The following KLF12 variants were observed in gnomAD, a reference collection of about 807,000 sequenced individuals.
KLF12 encodes the protein Krueppel-like factor 12.
Under a neutral mutation model 37.8 loss-of-function variants are expected in KLF12, and 9 were observed. The ratio of observed to expected loss-of-function variants is 0.24; its 90% CI spans 0.14 to 0.42. The LOEUF is 0.42. KLF12 is among the 10% of genes least tolerant of loss of function. KLF12 has a pLI of 1.00. For synonymous variants in KLF12, 208 were observed against 202.1 expected (o/e 1.03, Z -0.25); for missense variants, 411 against 516.0 (o/e 0.80, Z 1.97).
chr13:73,898,400 G>A (rs1484843778), intron 3 of KLF12, among the ~76,000 whole-genome samples: 2 of 152,092 alleles, frequency 1.3e-5, no homozygotes, highest in Admixed American at 1.3e-4. Flanking sequence ...TATTAAATTT[G>A]CCCACTAATC....
intron 1 of KLF12, among the ~76,000 whole-genome samples, chr13:73,996,336 C>A (rs546044311): frequency 9.2e-5 from 14 of 152,292 alleles, no homozygotes; most frequent in African/African-American, 3.4e-4. Context: ...AACATGGTAT[C>A]CTTTGAAATA....
intron 1 of KLF12, among the ~76,000 whole-genome samples, chr13:74,050,741 A>C (rs1659745805): frequency 1.3e-5 from 2 of 152,226 alleles, no homozygotes; most frequent in African/African-American, 2.4e-5. Context: ...CAACCTAAAA[A>C]GCTACACCAC....
the KLF12 span, among the ~76,000 whole-genome samples, chr13:74,223,811 A>C: frequency 6.6e-6 from 1 of 152,122 alleles, no homozygotes; most frequent in African/African-American, 2.4e-5. Context: ...GTGTGTGACT[A>C]TCTGGGTGGC....
At chr13:74,123,592 C>T (rs997943627) in intron 1 of KLF12, among the ~76,000 whole-genome samples, 11 of 152,204 alleles carry the variant, frequency 7.2e-5, no homozygotes, top group Non-Finnish European at 1.6e-4. Context: ...TCTCTAACTG[C>T]ACACTCTCTA....
At chr13:73,727,827 A>G (rs1286000796) in intron 6 of KLF12, among the ~76,000 whole-genome samples, 1 of 151,728 alleles carries the variant, frequency 6.6e-6, no homozygotes, top group African/African-American at 2.4e-5. Flanking sequence ...TCTCCTGAGT[A>G]CCTGGGATTA....
At chr13:73,731,322 T>A (rs1312184782) in intron 6 of KLF12, among the ~76,000 whole-genome samples, 1 of 152,182 alleles carries the variant, frequency 6.6e-6, no homozygotes, top group Non-Finnish European at 1.5e-5. Context: ...AATACATTTA[T>A]GTTTAAATGA....
chr13:73,941,313 T>C (rs147664937), intron 3 of KLF12, among the ~76,000 whole-genome samples: 70 of 152,314 alleles, frequency 4.6e-4, no homozygotes, highest in African/African-American at 1.5e-3. Context: ...CCCCAGCTAC[T>C]TGAGAGGCTT....
the KLF12 span, among the ~76,000 whole-genome samples, chr13:74,245,044 G>A: frequency 6.6e-6 from 1 of 152,162 alleles, no homozygotes; most frequent in African/African-American, 2.4e-5. Flanking sequence ...AGGGATTAGA[G>A]GCATGAGAAT....
the KLF12 span, among the ~76,000 whole-genome samples, chr13:74,293,050 G>C: frequency 1.3e-5 from 2 of 152,040 alleles, no homozygotes; most frequent in Non-Finnish European, 1.5e-5. Context: ...GGCCAGAAAG[G>C]GGCTCTGAAC....
At chr13:73,799,948 A>G (rs1013042968) in intron 5 of KLF12, 2 of 152,106 alleles carry the variant, frequency 1.3e-5, no homozygotes, top group Non-Finnish European at 2.9e-5. Context: ...CAAAGATTTT[A>G]TTTCCAATTA....
At chr13:73,757,142 C>CA (rs1195342684) in intron 6 of KLF12, among the ~76,000 whole-genome samples, 3 of 151,878 alleles carry the variant, frequency 2.0e-5, no homozygotes, top group South Asian at 2.1e-4. Context: ...TAAATTTACA[C>CA]AAAAAAAGAA....
chr13:74,061,770 C>T (rs1324912), intron 1 of KLF12, among the ~76,000 whole-genome samples: 58,733 of 151,976 alleles, frequency 0.39, 12,194 homozygotes, highest in African/African-American at 0.53. Flanking sequence ...AAAGGTTCAA[C>T]TACTTTGAAT....
upstream of KLF12, among the ~76,000 whole-genome samples, chr13:74,137,404 C>T (rs1593931533): frequency 6.6e-6 from 1 of 152,086 alleles, no homozygotes. Flanking sequence ...TAACCCATTT[C>T]CCTAACTATA....
chr13:73,719,769 C>T (rs1038593403), intron 6 of KLF12, among the ~76,000 whole-genome samples: 4 of 151,982 alleles, frequency 2.6e-5, no homozygotes, highest in African/African-American at 9.7e-5. Flanking sequence ...GCCTGGCTAA[C>T]GTTTTAATTT....
chr13:73,938,553 G>A (rs79307288), intron 3 of KLF12, among the ~76,000 whole-genome samples: 7,504 of 152,214 alleles, frequency 0.049, 263 homozygotes, highest in Non-Finnish European at 0.076. Context: ...GAGCCCTGCC[G>A]ATTCATAAGC....
intron 1 of KLF12, among the ~76,000 whole-genome samples, chr13:74,091,798 C>T (rs1875679153): frequency 2.0e-5 from 3 of 151,914 alleles, no homozygotes; most frequent in Non-Finnish European, 4.4e-5. Flanking sequence ...AGAGTGAATC[C>T]TAATGTACAC....
At chr13:74,270,991 C>T in the KLF12 span, among the ~76,000 whole-genome samples, 1 of 152,102 alleles carries the variant, frequency 6.6e-6, no homozygotes, top group African/African-American at 2.4e-5. Flanking sequence ...GGAACTGGGC[C>T]GCACAGAAGG....
At chr13:74,155,252 A>T in the KLF12 span, among the ~76,000 whole-genome samples, 132 of 152,328 alleles carry the variant, frequency 8.7e-4, no homozygotes, top group African/African-American at 2.8e-3. Context: ...AAAATTTTAC[A>T]GTCACTAACC....
the KLF12 span, among the ~76,000 whole-genome samples, chr13:74,158,584 A>G: frequency 2.0e-5 from 3 of 152,168 alleles, no homozygotes; most frequent in Non-Finnish European, 4.4e-5. Context: ...CCCAGAGAGA[A>G]AGAAATCTTG....
Sources: gnomAD v4.1 joint callset for allele counts (sites outside exome capture counted in the v4.1 genomes callset) on GRCh38, gnomAD v4.1.1 for gene constraint, MANE v1.5 for transcripts, NCBI Gene and HGNC (gene_info 2026-07-23, HGNC 2026-07-21) for gene names.